SNX1: variants seen among roughly 807,000 people sequenced by gnomAD.
SNX1 encodes the protein sorting nexin 1.
SNX1 carries 36 observed loss-of-function variants against 71.8 expected under a neutral mutation model. The observed-to-expected ratio is 0.50, with a 90% CI of 0.38 to 0.66. SNX1 has a LOEUF of 0.66. Among genes scored for constraint, SNX1 ranks in the 30% least tolerant of loss-of-function variants. SNX1 has a pLI of 0.00. For synonymous variants in SNX1, 254 were observed against 240.7 expected (o/e 1.06, Z -0.51); for missense variants, 612 against 646.7 (o/e 0.95, Z 0.58).
chr15:64,105,063 T>C (rs2081006126), intron 1 of SNX1, among the ~76,000 whole-genome samples: 1 of 151,756 alleles, frequency 6.6e-6, no homozygotes, highest in Admixed American at 6.6e-5. Context: ...GGCGAACCCC[T>C]GTCTCTACTA....
rs938493521 is a variant in SNX1 at position 64,140,626 on chromosome 15, C to T, written c.*3008C>T. 2 of 152,158 alleles carry T rather than the reference C, an allele frequency of 1.3e-5. No homozygotes were observed. The highest frequency in any genetic ancestry group is 4.8e-5 in the African/African-American group (2 of 41,432). The allele number at this position is 152,158 out of a possible 1,614,324, so 9.4% of individuals were successfully genotyped here. On this transcript the variant is annotated 3_prime_UTR_variant, in exon 15 of 15. Coordinates refer to ENST00000559844, the MANE Select transcript of SNX1 (RefSeq NM_003099.5). The stretch of plus-strand genomic sequence containing the variant: ...GAGACAGAGTCTCGCTCTTGTCGCC[C>T]AGGCTGGATTGCAATGGCACAATCT...
rs1225195859 is a variant in SNX1, at chr15:64,134,983, C to T, written c.1365+176C>T. 2.7e-6 allele frequency: 2 copies of T among 729,544 alleles called. No homozygotes were observed. The highest frequency in any genetic ancestry group is 2.0e-5 in the South Asian group (1 of 51,108). The allele number at this position is 729,544 out of a possible 1,614,324, so 45.2% of individuals were successfully genotyped here. A position where few individuals can be genotyped will look rare whatever the true frequency, so the allele number is the denominator to read the frequency against. ...ACTCCAGGCCTTCCTGAGGCCTAGT[C>T]CCCCTGTTCTTTTTCTACTCTACGC... On this transcript the variant is annotated intron_variant, in intron 12 of 14. Transcript: ENST00000559844. The surrounding 1 kb of genome is among the most constrained non-coding windows in gnomAD (Gnocchi z 4.1).
rs1053402791 is a variant in SNX1, at chr15:64,139,874, C to T, written c.*2256C>T. 1 of 152,006 alleles carries T rather than the reference C, an allele frequency of 6.6e-6. No individual in the cohort carries two copies. The highest frequency in any genetic ancestry group is 2.4e-5 in the African/African-American group (1 of 41,356). 9.4% of individuals were successfully genotyped at this position (152,006 alleles called of 1,614,324 possible). A position where few individuals can be genotyped will look rare whatever the true frequency, so the allele number is the denominator to read the frequency against. ...TTTTGAAGAATACAGGCTATTTTGT[C>T]GAATGTTCCTCAGTTTGGATTTGTG... On this transcript the variant is annotated 3_prime_UTR_variant, in exon 15 of 15. Coordinates refer to ENST00000559844, the MANE Select transcript of SNX1 (RefSeq NM_003099.5).
intron 4 of SNX1, among the ~76,000 whole-genome samples, chr15:64,120,101 T>C (rs979170419): frequency 6.6e-6 from 1 of 152,178 alleles, no homozygotes; most frequent in African/African-American, 2.4e-5. Context: ...AGGCCTCATC[T>C]TTCCTTGTTC....
rs776029028 is a variant in SNX1 at position 64,137,535 on chromosome 15, G to T, written c.1519-33G>T. On this transcript the variant is annotated intron_variant, in intron 14 of 14. Coordinates refer to ENST00000559844, the MANE Select transcript of SNX1 (RefSeq NM_003099.5). ...TGGCTTAGGCTCTGCCACTAGGTGG[G>T]GGCACTTGCTTAATGTCCCCACTTC... 10 of 1,613,468 alleles carry T rather than the reference G, an allele frequency of 6.2e-6. No homozygotes were observed. The East Asian group carries it at 2.2e-4, about 36-fold the overall frequency.
Position 64,137,728 on chromosome 15 carries a change from C to T in SNX1, c.*110C>T, listed in dbSNP as rs958176842. ...CATCCTGCCTAGGCTGGACTTAACCCCTTCCTCCCTGTCCCCACGACCAAC... is the reference window on the plus strand; with the variant it reads ...CATCCTGCCTAGGCTGGACTTAACCTCTTCCTCCCTGTCCCCACGACCAAC... On this transcript the variant is annotated 3_prime_UTR_variant, in exon 15 of 15. Coordinates refer to ENST00000559844, the MANE Select transcript of SNX1 (RefSeq NM_003099.5). 3.2e-6 allele frequency: 5 copies of T among 1,556,540 alleles called. No homozygotes were observed. Among genetic ancestry groups the T allele is most frequent in the South Asian group, 2.3e-5 (2 of 85,568 alleles).
chr15:64,103,111 G>A (rs1177311465), intron 1 of SNX1, among the ~76,000 whole-genome samples: 1 of 152,012 alleles, frequency 6.6e-6, no homozygotes, highest in Non-Finnish European at 1.5e-5. Context: ...TGGACACTTA[G>A]GTTGATTCCA....
rs777632492 is a variant in SNX1 at position 64,130,257 on chromosome 15, G to A, written c.951G>A (p.Glu317=). ...IWFEEKLQEV[E]CEEQRLRKLH... ...TTGAGGAGAAGCTCCAGGAGGTAGA[G>A]TGTGAGGAGCAGCGCTTACGGAAAC... The change falls in exon 10 of 15, where the codon GAG becomes GAA. Residue 317 remains glutamate (E), a synonymous_variant. Coordinates refer to ENST00000559844, the MANE Select transcript of SNX1 (RefSeq NM_003099.5). The A allele has an allele frequency of 3.3e-5, 53 of 1,614,048 alleles. No homozygotes were observed. The highest frequency in any genetic ancestry group is 4.4e-5 in the Non-Finnish European group (52 of 1,180,024).
At chr15:64,124,178 A>ATATATATATATATATATATGTATG (rs1445871067) in intron 5 of SNX1, among the ~76,000 whole-genome samples, 6 of 123,562 alleles carry the variant, frequency 4.9e-5, no homozygotes, top group African/African-American at 1.7e-4. Flanking sequence ...ATATATATAT[A>ATATATATATATATATATATGTATG]TGACTGTTTT....
chr15:64,118,882 T>A (rs757220429), intron 4 of SNX1, 28 bp downstream of exon 4: 1 of 1,563,390 alleles, frequency 6.4e-7, no homozygotes, highest in South Asian at 1.1e-5. Context: ...CTCCTTGTGA[T>A]GTTAGGATGT....
intron 4 of SNX1, among the ~76,000 whole-genome samples, chr15:64,122,585 T>G (rs2081206839): frequency 6.6e-6 from 1 of 152,116 alleles, no homozygotes. Flanking sequence ...CCTTGGCCCC[T>G]CACCCCTCAC....
intron 1 of SNX1, among the ~76,000 whole-genome samples, chr15:64,103,070 A>C (rs60917586): frequency 0.076 from 11,503 of 152,138 alleles, 1,369 homozygotes; most frequent in African/African-American, 0.25. Flanking sequence ...CCTGGCCTAT[A>C]CCACATATTC....
intron 4 of SNX1, 34 bp downstream of exon 4, chr15:64,118,888 G>T: frequency 6.4e-7 from 1 of 1,555,570 alleles, no homozygotes; most frequent in Non-Finnish European, 8.9e-7. Context: ...GTGATGTTAG[G>T]ATGTGGCTGT....
intron 2 of SNX1, among the ~76,000 whole-genome samples, chr15:64,117,545 G>T (rs1467190189): frequency 1.3e-5 from 2 of 152,090 alleles, no homozygotes; most frequent in South Asian, 4.1e-4. Context: ...GGCATGAGCC[G>T]CCACGCCCAG....
In SNX1 at chr15:64,134,622, T is replaced by A. The variant is rs111863481; in HGVS notation, c.1222-42T>A. On this transcript the variant is annotated intron_variant, in intron 11 of 14. Coordinates refer to ENST00000559844, the MANE Select transcript of SNX1 (RefSeq NM_003099.5). The surrounding 1 kb of genome is among the most constrained non-coding windows in gnomAD (Gnocchi z 4.1). ...CCTCGAGGCAGAGCCAGCAGAGCTC[T>A]TGAAGAGCTGGTTGTGCTCCTCCTC... The A allele has an allele frequency of 5.9e-5, 94 of 1,583,394 alleles. 1 individual carries two copies. In the African/African-American group the frequency reaches 1.2e-3, roughly 20 times the overall value.
Position 64,096,063 on chromosome 15 carries a change from C to A in SNX1, c.50C>A (p.Pro17His). The change falls in exon 1 of 15, where the codon CCC becomes CAC. Residue 17 changes from proline to histidine, a missense_variant. Physicochemically the swap from Pro to His is moderately conservative, Grantham distance 77 (BLOSUM62 -2). Coordinates refer to ENST00000559844, the MANE Select transcript of SNX1 (RefSeq NM_003099.5). ...GCSASERLPP[P>H]FPGLEPESEG... ...AGCGCTTCGGAGAGACTGCCTCCGC[C>A]CTTCCCCGGCCTGGAGCCGGAGTCC... 3 of 1,584,860 alleles carry A rather than the reference C, an allele frequency of 1.9e-6. No homozygotes were observed. Among genetic ancestry groups the A allele is most frequent in the Non-Finnish European group, 2.6e-6 (3 of 1,169,328 alleles).
chr15:64,107,402 C>T (rs1452831183), intron 1 of SNX1, among the ~76,000 whole-genome samples: 3 of 152,208 alleles, frequency 2.0e-5, no homozygotes, highest in Admixed American at 1.3e-4. Flanking sequence ...CCTAGAATCA[C>T]AGCAGTGCTT....
At chr15:64,105,014 C>T (rs1259567866) in intron 1 of SNX1, among the ~76,000 whole-genome samples, 2 of 151,914 alleles carry the variant, frequency 1.3e-5, no homozygotes, top group African/African-American at 4.8e-5. Flanking sequence ...GTGGGTGGAT[C>T]ACCTGAGGTC....
chr15:64,104,635 A>G (rs1465251575), intron 1 of SNX1, among the ~76,000 whole-genome samples: 2 of 151,710 alleles, frequency 1.3e-5, no homozygotes, highest in Non-Finnish European at 2.9e-5. Flanking sequence ...CTGTGATCCC[A>G]GCACTTTGGG....
Sources: allele counts gnomAD v4.1 joint callset (sites outside exome capture counted in the v4.1 genomes callset), GRCh38; gene constraint gnomAD v4.1.1; non-coding constraint Gnocchi (gnomAD v3.1); transcripts MANE v1.5; gene names NCBI Gene and HGNC (gene_info 2026-07-23, HGNC 2026-07-21).